CSMD1: variants seen among roughly 807,000 people sequenced by gnomAD.
CSMD1 encodes CUB and sushi domain-containing protein 1.
A neutral mutation model predicts 417.5 loss-of-function variants in CSMD1; 213 were observed. That is an observed-to-expected ratio of 0.51 (90% CI 0.46 to 0.57). The LOEUF (loss-of-function observed/expected upper bound fraction) is 0.57. CSMD1 is among the 20% of genes least tolerant of loss of function. The pLI is 0.00. For missense variants in CSMD1, 6,923 were observed against 4,529.7 expected, an observed-to-expected ratio of 1.53 and a Z score of -15.17; for synonymous variants, 2,862 against 1,736.8, an observed-to-expected ratio of 1.65 and a Z score of -16.11.
intron 1 of CSMD1, among the ~76,000 whole-genome samples, chr8:4,848,500 C>A (rs558852642): frequency 1.3e-5 from 2 of 151,498 alleles, no homozygotes; most frequent in Non-Finnish European, 2.9e-5. Flanking sequence ...TGCTGCCAGT[C>A]ATTAAAAGTC....
At chr8:4,608,895 A>G (rs151194782) in intron 2 of CSMD1, among the ~76,000 whole-genome samples, 118 of 152,316 alleles carry the variant, frequency 7.7e-4, no homozygotes, top group African/African-American at 2.7e-3. Flanking sequence ...TTTAAAATTA[A>G]CATTTAAAAA....
At position 3,290,375 on chromosome 8, in the gene CSMD1, T is replaced by C. The variant is rs1426964762; in HGVS notation, c.3951-6029A>G. On this transcript the variant is annotated intron_variant, in intron 25 of 69. Transcript: ENST00000635120. ...CTAATTCTGTGAAGAAAGTCATTGG[T>C]AACTTGAAGGGGATGGCATTGAATC... is the stretch of plus-strand genomic sequence containing the variant. 2.0e-5 allele frequency among the ~76,000 whole-genome samples: 3 copies of C among 146,950 alleles called. 1 individual carries two copies. Among genetic ancestry groups the C allele is most frequent in the Admixed American group, 2.0e-4 (3 of 14,878 alleles).
At chr8:2,998,297 C>G in intron 53 of CSMD1, 113 bp from the exon 54 acceptor site, 1 of 1,051,500 alleles carries the variant, frequency 9.5e-7, no homozygotes, top group Non-Finnish European at 1.4e-6. Context: ...TGAAGGTTTT[C>G]CACTAACCAG....
intron 3 of CSMD1, among the ~76,000 whole-genome samples, chr8:4,377,868 T>C (rs929486817): frequency 3.9e-5 from 6 of 152,206 alleles, no homozygotes; most frequent in African/African-American, 1.4e-4. Context: ...CTGTGATTAC[T>C]GCCGAAATGA....
At chr8:4,281,392 A>G (rs973302209) in intron 3 of CSMD1, among the ~76,000 whole-genome samples, 4 of 152,164 alleles carry the variant, frequency 2.6e-5, no homozygotes, top group Non-Finnish European at 4.4e-5. Context: ...GTTTTTCACC[A>G]AAAAACAGCT....
intron 7 of CSMD1, among the ~76,000 whole-genome samples, chr8:3,644,906 G>C (rs1797497737): frequency 7.2e-6 from 1 of 139,146 alleles, no homozygotes; most frequent in Admixed American, 7.4e-5. Flanking sequence ...CAAAACACTG[G>C]TAGAATTGCC....
At chr8:3,488,120 T>G (rs930146063) in intron 11 of CSMD1, among the ~76,000 whole-genome samples, 1 of 151,860 alleles carries the variant, frequency 6.6e-6, no homozygotes, top group African/African-American at 2.4e-5. Flanking sequence ...TTTTTCTTTT[T>G]GAAATAGTGT....
At chr8:3,124,688 C>G (rs890237803) in intron 41 of CSMD1, among the ~76,000 whole-genome samples, 1 of 152,126 alleles carries the variant, frequency 6.6e-6, no homozygotes, top group African/African-American at 2.4e-5. Flanking sequence ...TAAGTGGAGA[C>G]GAAGTAGTCG....
At chr8:3,121,758 C>A (rs2129020826) in intron 41 of CSMD1, among the ~76,000 whole-genome samples, 1 of 152,178 alleles carries the variant, frequency 6.6e-6, no homozygotes, top group African/African-American at 2.4e-5. Context: ...ATGATCATAC[C>A]ACTGCACTCC....
intron 1 of CSMD1, among the ~76,000 whole-genome samples, chr8:4,843,176 C>T (rs1216191895): frequency 1.3e-5 from 2 of 152,156 alleles, no homozygotes; most frequent in South Asian, 2.1e-4. Flanking sequence ...TGGGCAGGAA[C>T]ATTCCAAACC....
Position 3,189,827 on chromosome 8 carries a change from A to C in CSMD1, c.5398+85T>G. The C allele has an allele frequency of 3.9e-6, 5 of 1,275,506 alleles. 1 individual carries two copies. In the South Asian group the frequency reaches 6.8e-5, roughly 17 times the overall value. The allele number at this position is 1,275,506 out of a possible 1,614,324, so 79.0% of individuals were successfully genotyped here. ...AATGGGTCATGAGCCAGATGGATTT[A>C]CGTAGCCTGGATAGAAACATGAGAA... On this transcript the variant is annotated intron_variant, in intron 34 of 69. Transcript: ENST00000635120.
At chr8:3,212,574 A>G (rs2116804924) in intron 30 of CSMD1, among the ~76,000 whole-genome samples, 3 of 152,204 alleles carry the variant, frequency 2.0e-5, no homozygotes, top group Middle Eastern at 6.8e-3. Context: ...GGCTGGTCTC[A>G]AACTCCTGAG....
At chr8:4,684,106 G>T (rs935998885) in intron 1 of CSMD1, among the ~76,000 whole-genome samples, 2 of 152,120 alleles carry the variant, frequency 1.3e-5, no homozygotes, top group Non-Finnish European at 2.9e-5. Context: ...AAGTGAAAAA[G>T]CATATTACAT....
intron 3 of CSMD1, among the ~76,000 whole-genome samples, chr8:4,345,494 A>G (rs979793851): frequency 2.6e-5 from 4 of 151,910 alleles, no homozygotes; most frequent in African/African-American, 9.7e-5. Flanking sequence ...TTTATATAGC[A>G]AAGGAAACAG....
intron 5 of CSMD1, among the ~76,000 whole-genome samples, chr8:3,941,535 C>G (rs1307399832): frequency 2.6e-5 from 4 of 152,126 alleles, no homozygotes; most frequent in Non-Finnish European, 4.4e-5. Context: ...TTTTAAAGTG[C>G]TCTCTCTCCG....
chr8:4,339,548 G>T (rs1390521199), intron 3 of CSMD1, among the ~76,000 whole-genome samples: 1 of 152,052 alleles, frequency 6.6e-6, no homozygotes, highest in African/African-American at 2.4e-5. Flanking sequence ...AAAGACTACT[G>T]AATCTTTCAT....
intron 4 of CSMD1, among the ~76,000 whole-genome samples, chr8:4,016,195 G>A (rs1371500364): frequency 6.6e-6 from 1 of 152,110 alleles, no homozygotes; most frequent in African/African-American, 2.4e-5. Context: ...TGCCAGAGAG[G>A]TTTAGTCTAA....
chr8:3,655,865 C>T (rs1798074921), intron 7 of CSMD1, among the ~76,000 whole-genome samples: 1 of 152,108 alleles, frequency 6.6e-6, no homozygotes, highest in South Asian at 2.1e-4. Context: ...TGTCAGACTT[C>T]ATCTTTGGAA....
At chr8:3,207,309 G>A (rs117144601) in intron 30 of CSMD1, among the ~76,000 whole-genome samples, 4,424 of 149,718 alleles carry the variant, frequency 0.03, 109 homozygotes, top group Non-Finnish European at 0.043. Flanking sequence ...CAACACACCT[G>A]GCTGATTTTT....
Sources: allele counts gnomAD v4.1 joint callset (sites outside exome capture counted in the v4.1 genomes callset), GRCh38; gene constraint gnomAD v4.1.1; transcripts MANE v1.5; gene names NCBI Gene and HGNC (gene_info 2026-07-23, HGNC 2026-07-21).